CYFIP1: variants seen among roughly 807,000 people sequenced by gnomAD.
CYFIP1 encodes the protein cytoplasmic FMR1 interacting protein 1.
In CYFIP1, 58 loss-of-function variants were observed where a neutral mutation model predicts 163.5. The observed-to-expected ratio is 0.35, with a 90% CI of 0.29 to 0.44. The LOEUF (loss-of-function observed/expected upper bound fraction) is 0.44. CYFIP1 is among the 20% of genes least tolerant of loss of function. The pLI is 1.00. For missense variants in CYFIP1, 1,338 were observed against 1,653.8 expected (o/e 0.81, Z 3.31); for synonymous variants, 663 against 660.7 (o/e 1.00, Z -0.05).
At chr15:22,910,289 G>A (rs2060741271) in intron 20 of CYFIP1, among the ~76,000 whole-genome samples, 1 of 152,028 alleles carries the variant, frequency 6.6e-6, no homozygotes, top group Non-Finnish European at 1.5e-5. Context: ...GCATCCCAGA[G>A]CGGCTGGGAC....
At chr15:22,877,063 G>A (rs1364316549) in intron 26 of CYFIP1, among the ~76,000 whole-genome samples, 1 of 152,176 alleles carries the variant, frequency 6.6e-6, no homozygotes, top group Non-Finnish European at 1.5e-5. Flanking sequence ...TGGTTTGGAT[G>A]TGGTTTGTCC....
chr15:22,943,409 C>T, intron 5 of CYFIP1, 55 bp from the exon 6 acceptor site: 1 of 1,561,976 alleles, frequency 6.4e-7, no homozygotes, highest in South Asian at 1.2e-5. Context: ...GAGCCAAGCC[C>T]ATGTCCCTCC....
Position 22,868,578 on chromosome 15 carries a change from C to T in CYFIP1, c.*1450G>A, listed in dbSNP as rs975410498. 4 of 151,542 alleles carry T rather than the reference C, an allele frequency of 2.6e-5. No individual in the cohort carries two copies. The highest frequency in any genetic ancestry group is 9.8e-5 in the African/African-American group (4 of 40,982). The allele number at this position is 151,542 out of a possible 1,614,324, so 9.4% of individuals were successfully genotyped here. A position where few individuals can be genotyped will look rare whatever the true frequency, so the allele number is the denominator to read the frequency against. ...CCCCAGGGTTATTAATTCACATTAC[C>T]AAAAGCATTTTTAGGGAACTTTTTA... On this transcript the variant is annotated 3_prime_UTR_variant, in exon 31 of 31. Transcript: ENST00000617928.
At chr15:22,928,314 C>G (rs2061422642) in intron 11 of CYFIP1, among the ~76,000 whole-genome samples, 1 of 152,068 alleles carries the variant, frequency 6.6e-6, no homozygotes, top group African/African-American at 2.4e-5. Flanking sequence ...GCCCGGGAGG[C>G]GGAGCTTGCA....
At position 22,947,107 on chromosome 15, in the gene CYFIP1, G is replaced by A. The variant is rs2062087204; in HGVS notation, c.118-15C>T. ...TTGAAATTTGGCTGAAGGAAAGGAA[G>A]AGAAAAACATCATGTGGGGTCGGAG... On this transcript the variant is annotated splice_polypyrimidine_tract_variant and intron_variant, in intron 2 of 30. Coordinates refer to ENST00000617928, the MANE Select transcript of CYFIP1 (RefSeq NM_014608.6). The A allele has an allele frequency of 3.7e-6, 6 of 1,613,992 alleles. No individual in the cohort carries two copies. The highest frequency in any genetic ancestry group is 5.1e-6 in the Non-Finnish European group (6 of 1,179,952).
chr15:22,961,847 G>A (rs2062692979), intron 1 of CYFIP1, among the ~76,000 whole-genome samples: 1 of 152,088 alleles, frequency 6.6e-6, no homozygotes, highest in Admixed American at 6.5e-5. Context: ...CTTTTTCCAG[G>A]TCAAGCTACT....
At chr15:22,912,741 G>A (rs1054570738) in intron 17 of CYFIP1, among the ~76,000 whole-genome samples, 11 of 151,868 alleles carry the variant, frequency 7.2e-5, no homozygotes, top group African/African-American at 1.9e-4. Context: ...TGGGCAATAC[G>A]GCAATACTGT....
intron 22 of CYFIP1, among the ~76,000 whole-genome samples, chr15:22,897,591 C>T (rs1223215219): frequency 6.6e-6 from 1 of 152,068 alleles, no homozygotes; most frequent in Non-Finnish European, 1.5e-5. Context: ...TCAAGTGATC[C>T]TCCCGCCTCA....
chr15:22,885,368 T>TCAATTCCATCTGAGAC (rs2059901347), intron 23 of CYFIP1, among the ~76,000 whole-genome samples: 2 of 152,178 alleles, frequency 1.3e-5, no homozygotes, highest in African/African-American at 4.8e-5. Flanking sequence ...AACAAGCTCC[T>TCAATTCCATCTGAGAC]CAATTCCATC....
chr15:22,922,311 C>T (rs780566971), intron 13 of CYFIP1, among the ~76,000 whole-genome samples: 2 of 152,158 alleles, frequency 1.3e-5, no homozygotes, highest in Non-Finnish European at 1.5e-5. Flanking sequence ...CGTGACTGGC[C>T]CCCAGTAAAA....
intron 11 of CYFIP1, among the ~76,000 whole-genome samples, chr15:22,929,045 C>A (rs1201728470): frequency 2.6e-5 from 4 of 151,766 alleles, no homozygotes; most frequent in Non-Finnish European, 5.9e-5. Flanking sequence ...ATAGTGAAAC[C>A]CCATCTCTAC....
At chr15:22,872,375 T>A (rs2059460673) in intron 30 of CYFIP1, among the ~76,000 whole-genome samples, 1 of 151,068 alleles carries the variant, frequency 6.6e-6, no homozygotes, top group Admixed American at 6.6e-5. Flanking sequence ...GTCTAACATA[T>A]GTTTAACTGA....
At chr15:22,979,448 G>T (rs901225775) in intron 1 of CYFIP1, among the ~76,000 whole-genome samples, 3 of 145,370 alleles carry the variant, frequency 2.1e-5, no homozygotes, top group African/African-American at 5.3e-5. Flanking sequence ...GCCCTCCGCC[G>T]CCAGAAAACA....
chr15:22,884,956 G>A (rs1008326922), intron 23 of CYFIP1, among the ~76,000 whole-genome samples: 20 of 151,446 alleles, frequency 1.3e-4, no homozygotes, highest in South Asian at 4.2e-4. Context: ...GAAGCTGCAC[G>A]GGGATGGGGG....
At position 22,943,192 on chromosome 15, in the gene CYFIP1, C is replaced by T. The variant is rs1478189834; in HGVS notation, c.550G>A (p.Asp184Asn). 3 of 1,614,058 alleles carry T rather than the reference C, an allele frequency of 1.9e-6. No homozygotes were observed. Among genetic ancestry groups the T allele is most frequent in the Middle Eastern group, 1.6e-4 (1 of 6,076 alleles). Residue 184 changes from aspartate (D) to asparagine (N), a missense_variant, in exon 6 of 31, where the codon GAC becomes AAC. Physicochemically the swap from Asp to Asn is conservative, Grantham distance 23. Transcript: ENST00000617928. ...LKNMKCSVKN[D>N]HSAYKRAAQF... is the part of the protein sequence containing the mutation. ...GCTCACCTCTTGTACGCTGAGTGGT[C>T]GTTCTTCACACTGCACTTCATGTTC... is the stretch of plus-strand genomic sequence containing the variant.
At chr15:22,911,611 C>A (rs181443793) in intron 18 of CYFIP1, among the ~76,000 whole-genome samples, 2 of 152,326 alleles carry the variant, frequency 1.3e-5, no homozygotes, top group Admixed American at 6.5e-5. Context: ...GACCCAGGAC[C>A]CATCTGCCCA....
chr15:22,884,082 C>T (rs1312734113), intron 23 of CYFIP1, among the ~76,000 whole-genome samples: 1 of 151,504 alleles, frequency 6.6e-6, no homozygotes, highest in East Asian at 2.0e-4. Flanking sequence ...CCACCCTTGA[C>T]ATGTGGGCAT....
intron 9 of CYFIP1, among the ~76,000 whole-genome samples, chr15:22,934,664 AT>A (rs2061657445): frequency 6.8e-6 from 1 of 147,044 alleles, no homozygotes; most frequent in African/African-American, 2.5e-5. Flanking sequence ...TGCCCAGCTA[AT>A]TTTTTTGTAT....
chr15:22,877,017 A>G (rs1239402075), intron 26 of CYFIP1, among the ~76,000 whole-genome samples: 2 of 152,116 alleles, frequency 1.3e-5, no homozygotes, highest in South Asian at 2.1e-4. Context: ...CAATGACCAG[A>G]CAGGCATCCT....
Sources: gnomAD v4.1 joint callset for allele counts (sites outside exome capture counted in the v4.1 genomes callset) on GRCh38, gnomAD v4.1.1 for gene constraint, MANE v1.5 for transcripts, NCBI Gene and HGNC (gene_info 2026-07-23, HGNC 2026-07-21) for gene names.